Variants in FAM107A observed in about 807,000 individuals in gnomAD.
The protein encoded by FAM107A is actin-associated protein FAM107A.
Under a neutral mutation model 13.7 loss-of-function variants are expected in FAM107A, and 19 were observed. The observed-to-expected ratio is 1.38, with a 90% CI of 0.97 to 2.03. FAM107A has a LOEUF of 2.03. Ranked by LOEUF, FAM107A falls within the 30% of genes most tolerant of loss-of-function variation. The probability of loss-of-function intolerance (pLI) is 0.00; values close to 1 mark genes in which losing one functional copy is unlikely to be tolerated. For missense variants in FAM107A, 203 were observed against 184.4 expected (o/e 1.10, Z -0.58); for synonymous variants, 82 against 74.5 (o/e 1.10, Z -0.52).
upstream of FAM107A, chr3:58,577,448 G>A (rs2063740385): frequency 1.0e-6 from 1 of 985,290 alleles, no homozygotes; most frequent in Admixed American, 6.1e-5. The surrounding 1 kb of genome is among the most constrained non-coding windows in gnomAD (Gnocchi z 4.9). Context: ...CTGCTGAAAT[G>A]TGCCAACAAG....
At chr3:58,584,464 C>T (rs2065581760) in intron 1 of FAM107A, among the ~76,000 whole-genome samples, 1 of 152,128 alleles carries the variant, frequency 6.6e-6, no homozygotes, top group African/African-American at 2.4e-5. Flanking sequence ...CAGACTTTGG[C>T]ATGGATGGAC....
At chr3:58,608,186 G>A (rs899900205) in intron 1 of FAM107A, among the ~76,000 whole-genome samples, 2 of 152,180 alleles carry the variant, frequency 1.3e-5, no homozygotes, top group Non-Finnish European at 2.9e-5. Context: ...GAGAATTAGA[G>A]ATAATAAATA....
chr3:58,626,023 C>A (rs2066011964), intron 1 of FAM107A, among the ~76,000 whole-genome samples: 1 of 152,152 alleles, frequency 6.6e-6, no homozygotes, highest in African/African-American at 2.4e-5. Context: ...GTACCAGCCC[C>A]CCTTTATAAA....
Position 58,613,398 on chromosome 3 carries a change from G to A in FAM107A, c.-70+14018C>T, listed in dbSNP as rs778076442. 5.9e-5 allele frequency among the ~76,000 whole-genome samples: 9 copies of A among 152,074 alleles called. No homozygotes were observed. The highest frequency in any genetic ancestry group is 1.0e-4 in the Non-Finnish European group (7 of 67,992). ...CTAGTGAGCTGACCTCAGCCCTCCC[G>A]TGCCAAGATCCTTGGCCTGGTTCCT... is the stretch of plus-strand genomic sequence containing the variant. On this transcript the variant is annotated intron_variant, in intron 1 of 3. Transcript: ENST00000465970. This position sits in a 1 kb window ranked among gnomAD's most constrained non-coding sequence, Gnocchi z 4.6.
chr3:58,589,382 GA>G, upstream of FAM107A: 1 of 697,708 alleles, frequency 1.4e-6, no homozygotes, highest in Non-Finnish European at 2.5e-6. Context: ...GGACTGGTCA[GA>G]GTCAAAGTCC....
At chr3:58,566,928 T>C (rs2063627665) in intron 3 of FAM107A, 4 of 607,258 alleles carry the variant, frequency 6.6e-6, no homozygotes, top group Non-Finnish European at 8.7e-6. Flanking sequence ...ATCTCTAAAA[T>C]GGGAATGCCA....
intron 1 of FAM107A, among the ~76,000 whole-genome samples, chr3:58,606,479 A>G (rs777390608): frequency 2.0e-5 from 3 of 152,210 alleles, no homozygotes; most frequent in African/African-American, 4.8e-5. Flanking sequence ...GCTGCCTTCA[A>G]TGGCTCCCTA....
At chr3:58,620,273 G>A (rs183672852) in intron 1 of FAM107A, among the ~76,000 whole-genome samples, 6 of 152,266 alleles carry the variant, frequency 3.9e-5, no homozygotes. Flanking sequence ...GGAGAGTGAT[G>A]GTGTCATGGG....
At chr3:58,568,674 A>T in intron 2 of FAM107A, among the ~76,000 whole-genome samples, 1 of 152,236 alleles carries the variant, frequency 6.6e-6, no homozygotes. Context: ...CTCAGTGTAC[A>T]AAATGATAAC....
At chr3:58,583,762 C>T (rs554940331) in intron 1 of FAM107A, among the ~76,000 whole-genome samples, 12 of 151,948 alleles carry the variant, frequency 7.9e-5, no homozygotes, top group African/African-American at 2.9e-4. Flanking sequence ...CTCATGGCAG[C>T]CTCAACTCTC....
chr3:58,614,506 CTTT>C (rs200625039), intron 1 of FAM107A, among the ~76,000 whole-genome samples: 9 of 139,380 alleles, frequency 6.5e-5, no homozygotes, highest in Admixed American at 7.2e-5. Flanking sequence ...TTCTTTCTTT[CTTT>C]TTTTTTTTTT....
At chr3:58,589,416 T>C, upstream of FAM107A, 3 of 612,886 alleles carry the variant, frequency 4.9e-6, no homozygotes, top group Non-Finnish European at 8.7e-6. Flanking sequence ...GAAATTACCA[T>C]AGTCTTTGGA....
rs1559474462 is a variant in FAM107A at position 58,569,819 on chromosome 3, GC to G, written c.41del (p.Gly14AlafsTer2). The G allele has an allele frequency of 6.2e-7, 1 of 1,614,108 alleles. No individual in the cohort carries two copies. On this transcript the variant is annotated frameshift_variant, in exon 2 of 4. Coordinates refer to ENST00000360997, the MANE Select transcript of FAM107A (RefSeq NM_001076778.3). LOFTEE classifies it high-confidence loss of function. This position sits in a 1 kb window ranked among gnomAD's most constrained non-coding sequence, Gnocchi z 5.7. ...CTCTGTATTCTGGCCGGGCCATCAG[GC>G]CCCCAATGTCTGCCCGCTCCCTCTG... ...EIQRERADIG[G>X]LMARPEYREW... is the part of the protein sequence containing the mutation.
upstream of FAM107A, among the ~76,000 whole-genome samples, chr3:58,591,140 T>G (rs1341733745): frequency 6.6e-6 from 1 of 152,028 alleles, no homozygotes; most frequent in Non-Finnish European, 1.5e-5. This position sits in a 1 kb window ranked among gnomAD's most constrained non-coding sequence, Gnocchi z 4.3. Context: ...AGATAGACAG[T>G]AAGCATGATG....
In FAM107A at chr3:58,617,976, T is replaced by A. The variant is rs1184532754; in HGVS notation, c.-70+9440A>T. Among the ~76,000 whole-genome samples the A allele has an allele frequency of 6.6e-6, 1 of 152,216 alleles. No individual in the cohort carries two copies. The highest frequency in any genetic ancestry group is 2.4e-5 in the African/African-American group (1 of 41,454). ...TCTGGCACTTGTTGGCTCTGTGATC[T>A]TGAGACGTGAACTCAACCTCTTTGA... On this transcript the variant is annotated intron_variant, in intron 1 of 3. Coordinates refer to the FAM107A transcript ENST00000465970. This position sits in a 1 kb window ranked among gnomAD's most constrained non-coding sequence, Gnocchi z 4.5.
intron 1 of FAM107A, among the ~76,000 whole-genome samples, chr3:58,622,863 G>A (rs2065969906): frequency 6.6e-6 from 1 of 152,138 alleles, no homozygotes; most frequent in Non-Finnish European, 1.5e-5. Flanking sequence ...TCCCACTCTG[G>A]GCACAGGAGT....
rs1002347325 is a variant in FAM107A, at chr3:58,565,771, T to G, written c.*817A>C. The G allele has an allele frequency of 1.3e-5, 2 of 152,168 alleles. No homozygotes were observed. The highest frequency in any genetic ancestry group is 4.8e-5 in the African/African-American group (2 of 41,406). 9.4% of individuals were successfully genotyped at this position (152,168 alleles called of 1,614,324 possible). Reference sequence around the variant, plus strand: ...CGCCCTGCTGCTCACAGCATGGTCCTCACACCAGCAGCCTCCGCCTTACCT... The same window carrying G: ...CGCCCTGCTGCTCACAGCATGGTCCGCACACCAGCAGCCTCCGCCTTACCT... On this transcript the variant is annotated 3_prime_UTR_variant, in exon 4 of 4. Coordinates refer to ENST00000360997, the MANE Select transcript of FAM107A (RefSeq NM_001076778.3).
At chr3:58,585,015 T>C (rs551350300) in intron 1 of FAM107A, among the ~76,000 whole-genome samples, 48 of 152,342 alleles carry the variant, frequency 3.2e-4, no homozygotes, top group African/African-American at 7.9e-4. Flanking sequence ...ACACCGTCAA[T>C]GGGTAACACT....
At chr3:58,583,919 G>A (rs1306787716) in intron 1 of FAM107A, among the ~76,000 whole-genome samples, 1 of 152,118 alleles carries the variant, frequency 6.6e-6, no homozygotes, top group Non-Finnish European at 1.5e-5. Flanking sequence ...CGGCCTCAAG[G>A]CATGAGTCAC....
Sources: gnomAD v4.1 joint callset for allele counts (sites outside exome capture counted in the v4.1 genomes callset) on GRCh38, gnomAD v4.1.1 for gene constraint, Gnocchi (gnomAD v3.1) non-coding constraint, MANE v1.5 for transcripts, NCBI Gene and HGNC (gene_info 2026-07-23, HGNC 2026-07-21) for gene names.